MND1: variants seen among roughly 807,000 people sequenced by gnomAD.
MND1 encodes the protein meiotic nuclear divisions 1, also known as meiotic nuclear division protein 1 homolog.
MND1 carries 28 observed loss-of-function variants against 35.1 expected under a neutral mutation model. The ratio of observed to expected loss-of-function variants is 0.80; its 90% CI spans 0.59 to 1.09. The LOEUF (loss-of-function observed/expected upper bound fraction) is 1.09. MND1 is among the 50% of genes least tolerant of loss of function. The pLI is 0.00. For synonymous variants in MND1, 69 were observed against 70.5 expected, an observed-to-expected ratio of 0.98 and a Z score of 0.11; for missense variants, 213 against 239.6, an observed-to-expected ratio of 0.89 and a Z score of 0.73.
chr4:153,345,570 A>G, intron 1 of MND1: 1 of 981,486 alleles, frequency 1.0e-6, no homozygotes, highest in Non-Finnish European at 1.2e-6. Flanking sequence ...AAACCTTCAA[A>G]GTTTCATGCC....
At chr4:153,400,094 G>C (rs1579950259) in intron 6 of MND1, among the ~76,000 whole-genome samples, 1 of 151,706 alleles carries the variant, frequency 6.6e-6, no homozygotes, top group Non-Finnish European at 1.5e-5. Context: ...ATTTTTTATA[G>C]AGATGGTGTC....
chr4:153,355,605 G>A, intron 2 of MND1, 49 bp from the exon 3 acceptor site: 2 of 1,214,508 alleles, frequency 1.6e-6, no homozygotes, highest in African/African-American at 1.5e-5. Flanking sequence ...AATATACATA[G>A]TAGAAAATAA....
chr4:153,398,138 A>G, intron 6 of MND1, among the ~76,000 whole-genome samples: 1 of 152,088 alleles, frequency 6.6e-6, no homozygotes, highest in Non-Finnish European at 1.5e-5. Flanking sequence ...GAGTCCCCAG[A>G]GCCTTGTTTT....
chr4:153,385,727 A>C (rs1041909287), intron 4 of MND1, among the ~76,000 whole-genome samples: 3 of 151,430 alleles, frequency 2.0e-5, no homozygotes, highest in African/African-American at 7.3e-5. Context: ...AAAAAAAAAA[A>C]AAAAAAAGAA....
At chr4:153,376,503 C>A (rs566824469) in intron 4 of MND1, among the ~76,000 whole-genome samples, 1 of 152,252 alleles carries the variant, frequency 6.6e-6, no homozygotes, top group Non-Finnish European at 1.5e-5. Flanking sequence ...CTCCATTTTA[C>A]TTTGGCTTGT....
chr4:153,357,149 G>C (rs1246123209), intron 3 of MND1, among the ~76,000 whole-genome samples: 1 of 152,068 alleles, frequency 6.6e-6, no homozygotes, highest in Admixed American at 6.5e-5. Flanking sequence ...TGTATTTTTT[G>C]TGTGTCTTTT....
intron 4 of MND1, among the ~76,000 whole-genome samples, chr4:153,364,501 A>G (rs1773576778): frequency 6.7e-6 from 1 of 149,804 alleles, no homozygotes; most frequent in Non-Finnish European, 1.5e-5. Context: ...TAGGCCACAG[A>G]GTCAGACCCT....
chr4:153,371,837 G>C (rs75552143), intron 4 of MND1, among the ~76,000 whole-genome samples: 2,603 of 152,166 alleles, frequency 0.017, 54 homozygotes, highest in East Asian at 0.076. Context: ...CTTTCCGCCT[G>C]TTTTGGCTTT....
Position 153,410,666 on chromosome 4 carries a change from A to C in MND1, c.511+1651A>C, listed in dbSNP as rs142215883. Among the ~76,000 whole-genome samples the C allele has an allele frequency of 4.4e-4, 67 of 152,254 alleles. 1 individual carries two copies. The highest frequency in any genetic ancestry group is 9.0e-4 in the Non-Finnish European group (61 of 68,012). ...TTTTAATATTCATATTAAAATTATC[A>C]TATAGAAAGAAAGTTTGCTTTATTT... On this transcript the variant is annotated intron_variant, in intron 7 of 7. Coordinates refer to ENST00000240488, the MANE Select transcript of MND1 (RefSeq NM_032117.4).
intron 6 of MND1, among the ~76,000 whole-genome samples, chr4:153,408,098 A>G (rs1278868034): frequency 6.6e-6 from 1 of 152,076 alleles, no homozygotes; most frequent in Non-Finnish European, 1.5e-5. Context: ...GCAACATAGC[A>G]AGACCCCTAT....
rs142611574 is a variant in MND1, at chr4:153,388,944, G to A, written c.277-5318G>A. Among the ~76,000 whole-genome samples the A allele has an allele frequency of 2.4e-3, 367 of 152,340 alleles. 2 individuals are homozygous for A. Among genetic ancestry groups the A allele is most frequent in the African/African-American group, 8.1e-3 (336 of 41,580 alleles). ...GGGATGGTCCCCTACCCCATAGTCC[G>A]ATGGTTTCTTTCCCAGTGTGGCTGA... On this transcript the variant is annotated intron_variant, in intron 4 of 7. Transcript: ENST00000240488.
rs1371167565 is a variant in MND1, at chr4:153,414,691, A to T, written c.512-60A>T. 6 of 682,918 alleles carry T rather than the reference A, an allele frequency of 8.8e-6. No individual in the cohort carries two copies. The African/African-American group carries it at 1.1e-4, about 13-fold the overall frequency. The allele number at this position is 682,918 out of a possible 1,614,324, so 42.3% of individuals were successfully genotyped here. A position where few individuals can be genotyped will look rare whatever the true frequency, so the allele number is the denominator to read the frequency against. On this transcript the variant is annotated intron_variant, in intron 7 of 7. Transcript: ENST00000240488. ...AAGTAAAAGAACAATGAAGATAATTATACTTGAAATGTTTTATGATTGTGT... is the reference window on the plus strand; with the variant it reads ...AAGTAAAAGAACAATGAAGATAATTTTACTTGAAATGTTTTATGATTGTGT...
chr4:153,347,920 G>A (rs1356244374), intron 1 of MND1, among the ~76,000 whole-genome samples: 1 of 152,182 alleles, frequency 6.6e-6, no homozygotes, highest in East Asian at 1.9e-4. Context: ...GTTGGGGTTA[G>A]GTGATAAAGG....
At chr4:153,384,793 G>T (rs1728808452) in intron 4 of MND1, among the ~76,000 whole-genome samples, 2 of 152,006 alleles carry the variant, frequency 1.3e-5, no homozygotes, top group Admixed American at 1.3e-4. Context: ...TACTTGATGG[G>T]ATTTTCATAC....
intron 4 of MND1, among the ~76,000 whole-genome samples, chr4:153,390,975 A>G (rs899391778): frequency 4.0e-5 from 6 of 151,742 alleles, no homozygotes; most frequent in African/African-American, 1.5e-4. Flanking sequence ...TGGCTTTTAT[A>G]TAATTAGTAA....
intron 4 of MND1, among the ~76,000 whole-genome samples, chr4:153,375,349 A>G (rs1020963452): frequency 2.6e-5 from 4 of 152,112 alleles, no homozygotes; most frequent in South Asian, 4.1e-4. Context: ...TGCTAACTCT[A>G]TTTTATGTAA....
At position 153,414,837 on chromosome 4, in the gene MND1, G is replaced by A. The variant is rs778159923; in HGVS notation, c.598G>A (p.Asp200Asn). ...TGATAGAACTTTTGGAATTCCAGAA[G>A]ACTTTGACTACATAGACTAAAATAT... ...KIDRTFGIPE[D>N]FDYID The change falls in exon 8 of 8, where the codon GAC (aspartate) becomes AAC (asparagine). Residue 200 changes from aspartate (D) to asparagine (N), a missense_variant. By Grantham distance (23) the Asp-to-Asn change is conservative. Transcript: ENST00000240488. The A allele has an allele frequency of 4.0e-6, 6 of 1,517,174 alleles. No individual in the cohort carries two copies. Among genetic ancestry groups the A allele is most frequent in the Non-Finnish European group, 5.4e-6 (6 of 1,113,668 alleles). 94.0% of individuals were successfully genotyped at this position (1,517,174 alleles called of 1,614,324 possible).
chr4:153,397,281 G>C lies in MND1; in HGVS notation c.414G>C (p.Lys138Asn), dbSNP rs922352482. 7 of 1,613,040 alleles carry C rather than the reference G, an allele frequency of 4.3e-6. No homozygotes were observed. The Admixed American group carries it at 5.0e-5, about 12-fold the overall frequency. ...TTCGAGACCAAAGGGAACAGCTAAA[G>C]GCAGAAGTAGAAAAATACAAAGACT... ...SSLRDQREQL[K>N]AEVEKYKDCD... The change falls in exon 6 of 8, where the codon AAG becomes AAC. Residue 138 changes from lysine to asparagine, a missense_variant. Physicochemically the swap from Lys to Asn is moderately conservative, Grantham distance 94 (BLOSUM62 0). Coordinates refer to ENST00000240488, the MANE Select transcript of MND1 (RefSeq NM_032117.4).
intron 1 of MND1, among the ~76,000 whole-genome samples, chr4:153,346,803 G>A (rs1773086354): frequency 6.6e-6 from 1 of 152,198 alleles, no homozygotes; most frequent in South Asian, 2.1e-4. Context: ...TTCTTGTGGA[G>A]TGCAAGGAGC....
Sources: gnomAD v4.1 joint callset for allele counts (sites outside exome capture counted in the v4.1 genomes callset) on GRCh38, gnomAD v4.1.1 for gene constraint, MANE v1.5 for transcripts, NCBI Gene and HGNC (gene_info 2026-07-23, HGNC 2026-07-21) for gene names.